CYP39A1: variants seen among roughly 807,000 people sequenced by gnomAD.
CYP39A1 encodes 24-hydroxycholesterol 7-alpha-hydroxylase.
CYP39A1 carries 49 observed loss-of-function variants against 58.1 expected under a neutral mutation model. That is an observed-to-expected ratio of 0.84 (90% confidence interval 0.67 to 1.07). The LOEUF is 1.07. CYP39A1 is among the 50% of genes least tolerant of loss of function. CYP39A1 has a pLI of 0.00. For missense variants in CYP39A1, 531 were observed against 539.4 expected, an observed-to-expected ratio of 0.98 and a Z score of 0.16; for synonymous variants, 209 against 187.6, an observed-to-expected ratio of 1.11 and a Z score of -0.93.
At chr6:46,563,842 C>T (rs528920072) in intron 10 of CYP39A1, among the ~76,000 whole-genome samples, 37 of 152,204 alleles carry the variant, frequency 2.4e-4, no homozygotes, top group Middle Eastern at 3.4e-3. Flanking sequence ...AGGACATTCT[C>T]AGATGTTTAG....
chr6:46,637,635 C>T (rs1776069726), intron 4 of CYP39A1, among the ~76,000 whole-genome samples, 194 bp downstream of exon 4: 1 of 152,158 alleles, frequency 6.6e-6, no homozygotes, highest in South Asian at 2.1e-4. Flanking sequence ...TTTTGTTCAT[C>T]ACAATAAGAA....
At chr6:46,586,979 A>T in intron 10 of CYP39A1, 98 bp downstream of exon 10, 1 of 769,610 alleles carries the variant, frequency 1.3e-6, no homozygotes, top group Non-Finnish European at 2.2e-6. Context: ...CTATAGTTTA[A>T]ATATATATAT....
intron 7 of CYP39A1, 28 bp downstream of exon 7, chr6:46,625,390 T>C: frequency 2.0e-6 from 3 of 1,493,334 alleles, no homozygotes; most frequent in Non-Finnish European, 2.8e-6. Flanking sequence ...TTATTAGCTG[T>C]GTCTTCCTAT....
intron 10 of CYP39A1, among the ~76,000 whole-genome samples, chr6:46,573,277 A>G (rs930363629): frequency 1.6e-4 from 25 of 152,112 alleles, no homozygotes; most frequent in African/African-American, 5.6e-4. Context: ...TCATCTCTTC[A>G]AGACTGATGG....
At chr6:46,630,030 A>T (rs1775551615) in intron 6 of CYP39A1, among the ~76,000 whole-genome samples, 1 of 152,044 alleles carries the variant, frequency 6.6e-6, no homozygotes, top group African/African-American at 2.4e-5. Context: ...CGGGAAGCAG[A>T]GGTTGCAGTG....
chr6:46,611,700 T>C (rs947163482), intron 7 of CYP39A1, among the ~76,000 whole-genome samples: 5 of 152,158 alleles, frequency 3.3e-5, no homozygotes, highest in African/African-American at 7.2e-5. Context: ...ATAAAGGATA[T>C]AGTCCAATAC....
At chr6:46,645,413 A>G (rs1016410704) in intron 1 of CYP39A1, among the ~76,000 whole-genome samples, 2 of 152,106 alleles carry the variant, frequency 1.3e-5, no homozygotes, top group African/African-American at 4.8e-5. Flanking sequence ...AAATTGCTCC[A>G]TCACCATTTG....
chr6:46,652,141 C>A (rs983322498), intron 1 of CYP39A1, among the ~76,000 whole-genome samples: 7 of 152,156 alleles, frequency 4.6e-5, no homozygotes, highest in African/African-American at 1.7e-4. Flanking sequence ...AACTTAACTT[C>A]GATGAAGTAA....
chr6:46,643,537 A>G (rs1776472388), intron 1 of CYP39A1, among the ~76,000 whole-genome samples: 1 of 152,238 alleles, frequency 6.6e-6, no homozygotes, highest in Admixed American at 6.5e-5. Flanking sequence ...ACCAGTAGTT[A>G]GAAGATGACT....
At chr6:46,590,694 T>C (rs944647069) in intron 8 of CYP39A1, among the ~76,000 whole-genome samples, 3 of 152,198 alleles carry the variant, frequency 2.0e-5, no homozygotes, top group Admixed American at 6.5e-5. Context: ...AGACAGTCAT[T>C]AACTAGCTAG....
intron 1 of CYP39A1, among the ~76,000 whole-genome samples, chr6:46,651,542 T>A (rs760630712): frequency 3.4e-4 from 52 of 152,306 alleles, no homozygotes; most frequent in Middle Eastern, 6.8e-3. Context: ...TGGTGTGATA[T>A]TCTGGGTTAT....
chr6:46,596,564 CT>C (rs371753190), intron 7 of CYP39A1, among the ~76,000 whole-genome samples: 44 of 149,058 alleles, frequency 3.0e-4, no homozygotes, highest in South Asian at 6.4e-4. Flanking sequence ...TTTTGAATTG[CT>C]TTTTTTTTTC....
intron 8 of CYP39A1, among the ~76,000 whole-genome samples, chr6:46,590,112 G>A (rs532136383): frequency 2.4e-4 from 36 of 152,234 alleles, no homozygotes; most frequent in Non-Finnish European, 4.6e-4. Flanking sequence ...ACATCATCAC[G>A]CCCAGCCTAA....
intron 7 of CYP39A1, among the ~76,000 whole-genome samples, chr6:46,601,126 G>C (rs975337410): frequency 6.6e-6 from 1 of 152,170 alleles, no homozygotes; most frequent in African/African-American, 2.4e-5. Flanking sequence ...CACATTTGGT[G>C]TCAGAAGTGT....
In CYP39A1 at chr6:46,602,933, G is replaced by GGGGA. The variant is rs1554161684; in HGVS notation, c.932-6814_932-6813insTCCC. On this transcript the variant is annotated intron_variant, in intron 7 of 11. Coordinates refer to ENST00000275016, the MANE Select transcript of CYP39A1 (RefSeq NM_016593.5). ...CCACTAAATATAAAATGGGGGGGGG[G>GGGGA]AGCTTTATTTCTTCTTCTGAACAAT... Among the ~76,000 whole-genome samples, 526 of 130,800 alleles carry GGGGA rather than the reference G, an allele frequency of 4.0e-3. 3 individuals are homozygous for GGGGA. Among genetic ancestry groups the GGGGA allele is most frequent in the African/African-American group, 0.014 (492 of 35,716 alleles). 85.8% of individuals were successfully genotyped at this position (130,800 alleles called of 152,430 possible).
chr6:46,557,585 C>T (rs950622740), intron 10 of CYP39A1, among the ~76,000 whole-genome samples: 47 of 147,216 alleles, frequency 3.2e-4, no homozygotes, highest in African/African-American at 1.1e-3. Context: ...GGAGGTTGCA[C>T]GGAGCCAAGA....
chr6:46,644,891 T>G (rs941599244), intron 1 of CYP39A1, among the ~76,000 whole-genome samples: 3 of 152,232 alleles, frequency 2.0e-5, no homozygotes, highest in Non-Finnish European at 4.4e-5. Flanking sequence ...TAATGACTAT[T>G]GATGTTGAAC....
At chr6:46,579,311 C>T (rs1295229680) in intron 10 of CYP39A1, among the ~76,000 whole-genome samples, 1 of 152,064 alleles carries the variant, frequency 6.6e-6, no homozygotes, top group East Asian at 1.9e-4. Flanking sequence ...TTCCACATTC[C>T]TTCATGTTAA....
At chr6:46,574,271 A>G (rs1346601979) in intron 10 of CYP39A1, among the ~76,000 whole-genome samples, 1 of 152,150 alleles carries the variant, frequency 6.6e-6, no homozygotes, top group Admixed American at 6.5e-5. Flanking sequence ...CTCAATAGAA[A>G]CCCTAGTAGT....
Sources: allele counts gnomAD v4.1 joint callset (sites outside exome capture counted in the v4.1 genomes callset), GRCh38; gene constraint gnomAD v4.1.1; transcripts MANE v1.5; gene names NCBI Gene and HGNC (gene_info 2026-07-23, HGNC 2026-07-21).